The following SYNE1 variants were observed in gnomAD, a reference collection of about 807,000 sequenced individuals.
SYNE1 encodes the protein nesprin-1.
SYNE1 carries 616 observed loss-of-function variants against 1,111.0 expected under a neutral mutation model. The observed-to-expected ratio is 0.55, with a 90% CI of 0.52 to 0.59. The LOEUF is 0.59. Among genes scored for constraint, SYNE1 ranks in the 20% least tolerant of loss-of-function variants. The pLI, the probability that SYNE1 is intolerant of heterozygous loss-of-function variation, is 0.00. For synonymous variants in SYNE1, 3,855 were observed against 3,825.8 expected, an observed-to-expected ratio of 1.01 and a Z score of -0.28; for missense variants, 10,006 against 10,417.0, an observed-to-expected ratio of 0.96 and a Z score of 1.72.
chr6:152,446,651 T>G (rs1023864697), intron 29 of SYNE1, among the ~76,000 whole-genome samples: 2 of 152,190 alleles, frequency 1.3e-5, no homozygotes, highest in African/African-American at 4.8e-5. Context: ...ACTTAAATGA[T>G]TTCAAGAAAT....
intron 3 of SYNE1, among the ~76,000 whole-genome samples, chr6:152,544,194 G>T (rs1031418479): frequency 2.0e-5 from 3 of 152,282 alleles, no homozygotes; most frequent in Middle Eastern, 3.4e-3. Context: ...GAGAGGTGTG[G>T]CTGGGGAAGC....
intron 73 of SYNE1, among the ~76,000 whole-genome samples, chr6:152,344,675 C>T (rs951854320): frequency 1.3e-5 from 2 of 152,186 alleles, no homozygotes; most frequent in Admixed American, 6.5e-5. Flanking sequence ...AACTGAGATG[C>T]TTCTGCAATA....
chr6:152,365,406 T>C (rs1388354988), intron 62 of SYNE1, among the ~76,000 whole-genome samples: 1 of 152,226 alleles, frequency 6.6e-6, no homozygotes, highest in Non-Finnish European at 1.5e-5. Context: ...AAATAGATTA[T>C]ATATTTCATG....
rs1451895993 is a variant in SYNE1 at position 152,436,077 on chromosome 6, T to C, written c.4174A>G (p.Ile1392Val). The C allele has an allele frequency of 6.2e-7, 1 of 1,613,994 alleles. No homozygotes were observed. Among genetic ancestry groups the C allele is most frequent in the South Asian group, 1.1e-5 (1 of 91,040 alleles). Reference protein sequence around the residue: ...TKEFSKRTESIAVQAENLVKE... With the variant: ...TKEFSKRTESVAVQAENLVKE... ...ACAAGGTTCTCAGCCTGGACTGCAA[T>C]ACTTTCTGTCCGTTTAGAAAACTCC... Residue 1392 changes from isoleucine to valine, a missense_variant, in exon 33 of 146, where the codon ATT becomes GTT. By Grantham distance (29) the Ile-to-Val change is conservative (BLOSUM62 3). This residue lies in a region of SYNE1 where 1,971 missense variants were observed against 2,084.1 expected (regional missense o/e 0.95). Coordinates refer to ENST00000367255, the MANE Select transcript of SYNE1 (RefSeq NM_182961.4).
chr6:152,290,822 T>C (rs1278973115), intron 95 of SYNE1, among the ~76,000 whole-genome samples: 2 of 152,052 alleles, frequency 1.3e-5, no homozygotes, highest in South Asian at 2.1e-4. Flanking sequence ...TCTATAACAG[T>C]GCTTGACATT....
In SYNE1 at chr6:152,471,984, A is replaced by AGTG. The variant is rs1246992758; in HGVS notation, c.1464-220_1464-219insCAC. 5 of 602,290 alleles carry AGTG rather than the reference A, an allele frequency of 8.3e-6. No homozygotes were observed. The African/African-American group carries it at 9.3e-5, about 11-fold the overall frequency. 37.3% of individuals were successfully genotyped at this position (602,290 alleles called of 1,614,324 possible). ...CGATTTAGTTCTTTCCCCTGCCAAC[A>AGTG]CATCTCTCGTCTGTTTCTTTTATAA... On this transcript the variant is annotated intron_variant, in intron 15 of 145. Transcript: ENST00000367255.
At chr6:152,323,180 G>T (rs2095927017) in intron 82 of SYNE1, among the ~76,000 whole-genome samples, 1 of 152,180 alleles carries the variant, frequency 6.6e-6, no homozygotes. Flanking sequence ...GCCGGGCGCG[G>T]TGGCTCACGC....
intron 11 of SYNE1, 72 bp downstream of exon 11, chr6:152,498,670 G>T: frequency 9.4e-7 from 1 of 1,061,558 alleles, no homozygotes; most frequent in Non-Finnish European, 1.4e-6. Flanking sequence ...AACATGCAAG[G>T]GAATGACTAA....
chr6:152,201,754 G>A, intron 127 of SYNE1, 70 bp downstream of exon 127: 1 of 1,610,328 alleles, frequency 6.2e-7, no homozygotes, highest in Non-Finnish European at 8.5e-7. Flanking sequence ...AGTTTGACTG[G>A]ATTATGGCCC....
intron 12 of SYNE1, among the ~76,000 whole-genome samples, chr6:152,487,690 C>T (rs537610174): frequency 1.3e-5 from 2 of 152,172 alleles, no homozygotes; most frequent in Non-Finnish European, 2.9e-5. Flanking sequence ...ATGTTGCAAT[C>T]CTTTGTTAAA....
At chr6:152,363,324 C>G (rs926850050) in intron 63 of SYNE1, among the ~76,000 whole-genome samples, 1 of 148,946 alleles carries the variant, frequency 6.7e-6, no homozygotes, top group Admixed American at 6.6e-5. Flanking sequence ...GAAACCCCGT[C>G]TCTACTAAAA....
intron 96 of SYNE1, among the ~76,000 whole-genome samples, chr6:152,283,337 A>G (rs900783930): frequency 3.3e-5 from 5 of 152,218 alleles, no homozygotes; most frequent in African/African-American, 1.2e-4. Context: ...CATCCATCAA[A>G]TGCTGTCGTG....
At chr6:152,523,485 T>C (rs535404407) in intron 5 of SYNE1, among the ~76,000 whole-genome samples, 37 of 152,274 alleles carry the variant, frequency 2.4e-4, no homozygotes, top group African/African-American at 8.4e-4. Flanking sequence ...AGTCAGATAA[T>C]GTGATGCCTC....
intron 145 of SYNE1, among the ~76,000 whole-genome samples, chr6:152,123,401 G>A (rs890074196): frequency 1.3e-5 from 2 of 152,156 alleles, no homozygotes; most frequent in South Asian, 4.1e-4. Context: ...ATTTTCTGAG[G>A]AGGATGGACT....
At chr6:152,443,495 A>G (rs890455899) in intron 30 of SYNE1, among the ~76,000 whole-genome samples, 1 of 152,028 alleles carries the variant, frequency 6.6e-6, no homozygotes, top group African/African-American at 2.4e-5. Context: ...CGATCTGCTG[A>G]CCTCGTGATG....
At chr6:152,316,447 C>T (rs1302824470) in intron 87 of SYNE1, 1 of 271,272 alleles carries the variant, frequency 3.7e-6, no homozygotes, top group Admixed American at 5.1e-5. Context: ...TCACACAGCC[C>T]TGCATGGCGG....
intron 6 of SYNE1, chr6:152,511,583 G>C (rs1273706838): frequency 6.2e-7 from 1 of 1,612,534 alleles, no homozygotes; most frequent in Non-Finnish European, 8.5e-7. Context: ...GTGATCCTCT[G>C]TGCATGGACT....
At chr6:152,515,996 C>G (rs1215548780) in intron 6 of SYNE1, among the ~76,000 whole-genome samples, 1 of 151,732 alleles carries the variant, frequency 6.6e-6, no homozygotes, top group Non-Finnish European at 1.5e-5. Flanking sequence ...GTCCTGTTAT[C>G]AAAAGAAAAA....
At chr6:152,247,110 C>T (rs1433590776) in intron 105 of SYNE1, among the ~76,000 whole-genome samples, 1 of 152,178 alleles carries the variant, frequency 6.6e-6, no homozygotes, top group Non-Finnish European at 1.5e-5. Context: ...AAGGGATTCT[C>T]AGGATGGTGG....
Sources: allele counts gnomAD v4.1 joint callset (sites outside exome capture counted in the v4.1 genomes callset), GRCh38; gene constraint gnomAD v4.1.1; regional missense constraint gnomAD v4.1.1; transcripts MANE v1.5; gene names NCBI Gene and HGNC (gene_info 2026-07-23, HGNC 2026-07-21).